Variants in SSBP2 observed in about 807,000 individuals in gnomAD.
The protein encoded by SSBP2 is single stranded DNA binding protein 2.
A neutral mutation model predicts 61.8 loss-of-function variants in SSBP2; 17 were observed. The ratio of observed to expected loss-of-function variants is 0.28; its 90% CI spans 0.19 to 0.41. The LOEUF (loss-of-function observed/expected upper bound fraction) is 0.41. SSBP2 is among the 10% of genes least tolerant of loss of function. SSBP2 has a pLI of 1.00. For missense variants in SSBP2, 310 were observed against 458.7 expected, an observed-to-expected ratio of 0.68 and a Z score of 2.96; for synonymous variants, 139 against 141.3, an observed-to-expected ratio of 0.98 and a Z score of 0.12.
chr5:81,473,657 G>C, intron 8 of SSBP2, 43 bp downstream of exon 8: 1 of 1,556,190 alleles, frequency 6.4e-7, no homozygotes, highest in Non-Finnish European at 8.9e-7. Context: ...CATTTGGGTT[G>C]GTTCCATATC....
chr5:81,544,533 A>G (rs1771580305), intron 4 of SSBP2, among the ~76,000 whole-genome samples: 1 of 152,228 alleles, frequency 6.6e-6, no homozygotes, highest in South Asian at 2.1e-4. Flanking sequence ...GAGAAATAGT[A>G]CAACTCATTT....
At position 81,581,285 on chromosome 5, in the gene SSBP2, T is replaced by C. The variant is rs114865043; in HGVS notation, c.282+34188A>G. Among the ~76,000 whole-genome samples the C allele has an allele frequency of 5.9e-3, 905 of 152,278 alleles. 8 individuals are homozygous for C. The highest frequency in any genetic ancestry group is 0.02 in the African/African-American group (846 of 41,562). On this transcript the variant is annotated intron_variant, in intron 4 of 16. Transcript: ENST00000320672. ...ATATAATCCCTGAGGACATGAAGAA[T>C]ACTAAAGAGGCGACAGGATGGATAG...
intron 1 of SSBP2, among the ~76,000 whole-genome samples, chr5:81,707,308 A>G (rs938975846): frequency 6.6e-6 from 1 of 152,118 alleles, no homozygotes; most frequent in African/African-American, 2.4e-5. Flanking sequence ...AATGTGACCT[A>G]ATGTGGAAAT....
At chr5:81,685,943 A>G (rs1341403221) in intron 1 of SSBP2, among the ~76,000 whole-genome samples, 1 of 152,368 alleles carries the variant, frequency 6.6e-6, no homozygotes, top group East Asian at 1.9e-4. Context: ...ATTAACTGGA[A>G]TCTTCCTCAG....
At chr5:81,565,467 T>G (rs928215036) in intron 4 of SSBP2, among the ~76,000 whole-genome samples, 6 of 152,312 alleles carry the variant, frequency 3.9e-5, no homozygotes, top group Admixed American at 1.3e-4. Flanking sequence ...CACAAAGATT[T>G]TATGACGTGC....
At position 81,732,367 on chromosome 5, in the gene SSBP2, A is replaced by G. The variant is rs180713275; in HGVS notation, c.62+18614T>C. ...ACAATAATTTACAGTCTGGATTCCA[A>G]CACATCCAATAGTAACACTAATGCA... On this transcript the variant is annotated intron_variant, in intron 1 of 16. Coordinates refer to ENST00000320672, the MANE Select transcript of SSBP2 (RefSeq NM_012446.5). 6.2e-3 allele frequency among the ~76,000 whole-genome samples: 947 copies of G among 152,338 alleles called. 3 individuals carry two copies. Among genetic ancestry groups the G allele is most frequent in the Non-Finnish European group, 9.3e-3 (630 of 68,014 alleles).
Position 81,689,723 on chromosome 5 carries a change from G to C in SSBP2, c.63-39384C>G, listed in dbSNP as rs149198633. Among the ~76,000 whole-genome samples the C allele has an allele frequency of 2.5e-4, 38 of 152,172 alleles. No homozygotes were observed. In the South Asian group the frequency reaches 5.2e-3, roughly 21 times the overall value. The stretch of plus-strand genomic sequence containing the variant: ...CTAAAGGGAGTTATTTAATATGAAA[G>C]AAAAGAACATTAGTGAGCAACATAA... On this transcript the variant is annotated intron_variant, in intron 1 of 16. Coordinates refer to ENST00000320672, the MANE Select transcript of SSBP2 (RefSeq NM_012446.5).
rs1324326545 is a variant in SSBP2, at chr5:81,416,939, G to C, written c.*3565C>G. Reference sequence around the variant, plus strand: ...TGCAGTGGCACAATCTCGGCTCACTGCAACCTCCGCCTCCTGGGTTCAAGT... The same window carrying C: ...TGCAGTGGCACAATCTCGGCTCACTCCAACCTCCGCCTCCTGGGTTCAAGT... On this transcript the variant is annotated 3_prime_UTR_variant, in exon 17 of 17. Transcript: ENST00000320672. 3.3e-5 allele frequency: 5 copies of C among 152,234 alleles called. No individual in the cohort carries two copies. The highest frequency in any genetic ancestry group is 9.7e-5 in the African/African-American group (4 of 41,424). 9.4% of individuals were successfully genotyped at this position (152,234 alleles called of 1,614,324 possible). A position where few individuals can be genotyped will look rare whatever the true frequency, so the allele number is the denominator to read the frequency against.
rs547003889 is a variant in SSBP2 at position 81,437,006 on chromosome 5, T to C, written c.957+424A>G. Among the ~76,000 whole-genome samples, 8 of 152,296 alleles carry C rather than the reference T, an allele frequency of 5.3e-5. No homozygotes were observed. The South Asian group carries it at 1.2e-3, about 24-fold the overall frequency. On this transcript the variant is annotated intron_variant, in intron 15 of 16. Coordinates refer to ENST00000320672, the MANE Select transcript of SSBP2 (RefSeq NM_012446.5). ...TCCTAATGAAGATTTGCAAGATGAA[T>C]TGGATACGTAAATGCAATGCCTTTA... is the stretch of plus-strand genomic sequence containing the variant.
Position 81,676,486 on chromosome 5 carries a change from C to T in SSBP2, c.63-26147G>A, listed in dbSNP as rs112948224. 5.3e-3 allele frequency among the ~76,000 whole-genome samples: 812 copies of T among 152,268 alleles called. 6 individuals are homozygous for T. The highest frequency in any genetic ancestry group is 0.018 in the African/African-American group (766 of 41,570). On this transcript the variant is annotated intron_variant, in intron 1 of 16. Coordinates refer to ENST00000320672, the MANE Select transcript of SSBP2 (RefSeq NM_012446.5). ...CTTTCTACAATCTCATTCCGTATCT[C>T]AACCCACGTAACACATTCATGTTGA... is the stretch of plus-strand genomic sequence containing the variant.
At chr5:81,432,791 G>A (rs1227520979) in intron 15 of SSBP2, among the ~76,000 whole-genome samples, 6 of 122,500 alleles carry the variant, frequency 4.9e-5, no homozygotes, top group Admixed American at 8.0e-5. Context: ...CAGCTGCCCC[G>A]TCCGGGAGGG....
intron 4 of SSBP2, among the ~76,000 whole-genome samples, chr5:81,528,807 A>G (rs1038575439): frequency 6.6e-6 from 1 of 152,114 alleles, no homozygotes; most frequent in Admixed American, 6.6e-5. Flanking sequence ...GGAACAATTT[A>G]CAAGCAAGTT....
rs527966778 is a variant in SSBP2, at chr5:81,609,765, C to T, written c.282+5708G>A. Among the ~76,000 whole-genome samples the T allele has an allele frequency of 4.6e-5, 7 of 152,292 alleles. No individual in the cohort carries two copies. The South Asian group carries it at 6.2e-4, about 14-fold the overall frequency. Reference sequence around the variant, plus strand: ...TCAGCATTCAACTATTTTACATACACCTACCCTTCCCTAATTGGTTTTTTA... The same window carrying T: ...TCAGCATTCAACTATTTTACATACATCTACCCTTCCCTAATTGGTTTTTTA... On this transcript the variant is annotated intron_variant, in intron 4 of 16. Coordinates refer to ENST00000320672, the MANE Select transcript of SSBP2 (RefSeq NM_012446.5).
In SSBP2 at chr5:81,635,566, C is replaced by T. The variant is rs527288848; in HGVS notation, c.197+991G>A. Among the ~76,000 whole-genome samples, 3 of 151,036 alleles carry T rather than the reference C, an allele frequency of 2.0e-5. No homozygotes were observed. In the South Asian group the frequency reaches 6.3e-4, roughly 32 times the overall value. On this transcript the variant is annotated intron_variant, in intron 3 of 16. Transcript: ENST00000320672. ...CTAACATTGACAACTTGATAACCCACTTTGTAGAAAGCAATTTTTTTTTTT... is the reference window on the plus strand; with the variant it reads ...CTAACATTGACAACTTGATAACCCATTTTGTAGAAAGCAATTTTTTTTTTT...
intron 1 of SSBP2, among the ~76,000 whole-genome samples, chr5:81,729,830 G>A (rs1233118429): frequency 6.7e-6 from 1 of 149,716 alleles, no homozygotes; most frequent in Non-Finnish European, 1.5e-5. Context: ...ATATAAGCTA[G>A]ACTTAGACAT....
At chr5:81,470,878 A>G (rs948839066) in intron 8 of SSBP2, among the ~76,000 whole-genome samples, 9 of 151,908 alleles carry the variant, frequency 5.9e-5, no homozygotes, top group African/African-American at 2.2e-4. Flanking sequence ...TATAATGTAT[A>G]TGTTTATATG....
At position 81,419,283 on chromosome 5, in the gene SSBP2, G is replaced by A. The variant is rs1761462340; in HGVS notation, c.*1221C>T. ...TCCTGAATAAAAGCCTTATATTCCA[G>A]GAACAGAGCAGAGGCTCCCTGGCCA... On this transcript the variant is annotated 3_prime_UTR_variant, in exon 17 of 17. Coordinates refer to ENST00000320672, the MANE Select transcript of SSBP2 (RefSeq NM_012446.5). 1 of 152,166 alleles carries A rather than the reference G, an allele frequency of 6.6e-6. No individual in the cohort carries two copies. Among genetic ancestry groups the A allele is most frequent in the African/African-American group, 2.4e-5 (1 of 41,436 alleles). 9.4% of individuals were successfully genotyped at this position (152,166 alleles called of 1,614,324 possible). A position where few individuals can be genotyped will look rare whatever the true frequency, so the allele number is the denominator to read the frequency against.
At chr5:81,636,667 C>T in intron 2 of SSBP2, 49 bp from the exon 3 acceptor site, 2 of 1,355,368 alleles carry the variant, frequency 1.5e-6, no homozygotes, top group Middle Eastern at 2.0e-4. Flanking sequence ...CTTTTTTCCA[C>T]ACATATTACA....
At chr5:81,552,184 G>C (rs1025424295) in intron 4 of SSBP2, among the ~76,000 whole-genome samples, 2 of 152,156 alleles carry the variant, frequency 1.3e-5, no homozygotes, top group African/African-American at 4.8e-5. Flanking sequence ...AAGCAAACAA[G>C]AGCCTAAAAG....
Sources: gnomAD v4.1 joint callset for allele counts (sites outside exome capture counted in the v4.1 genomes callset) on GRCh38, gnomAD v4.1.1 for gene constraint, MANE v1.5 for transcripts, NCBI Gene and HGNC (gene_info 2026-07-23, HGNC 2026-07-21) for gene names.